MEP1A: variants seen among roughly 807,000 people sequenced by gnomAD.
MEP1A encodes the protein N-benzoyl-L-tyrosyl-P-amino-benzoic acid hydrolase subunit alpha.
A neutral mutation model predicts 84.5 loss-of-function variants in MEP1A; 68 were observed. The ratio of observed to expected loss-of-function variants is 0.80; its 90% CI spans 0.66 to 0.98. MEP1A has a LOEUF of 0.98. Ranked by LOEUF, MEP1A falls within the 50% of genes least tolerant of loss-of-function variation. The pLI is 0.00. For synonymous variants in MEP1A, 337 were observed against 336.8 expected (o/e 1.00, Z -0.01); for missense variants, 887 against 919.9 (o/e 0.96, Z 0.46).
chr6:46,839,086 T>C lies in MEP1A; in HGVS notation c.2191T>C (p.Phe731Leu). 1.9e-6 allele frequency: 3 copies of C among 1,613,382 alleles called. No individual in the cohort carries two copies. The highest frequency in any genetic ancestry group is 2.5e-6 in the Non-Finnish European group (3 of 1,179,852). ...GATCGGAGGCACGGCTGGCGTGATC[T>C]TCTTGACCTTCTCCATCATCGCCAT... ...MVIGGTAGVI[F>L]LTFSIIAILS... Residue 731 changes from phenylalanine (F) to leucine (L), a missense_variant, in exon 14 of 14, where the codon TTC becomes CTC. Physicochemically the swap from Phe to Leu is conservative, Grantham distance 22. Transcript: ENST00000230588.
Position 46,825,076 on chromosome 6 carries a change from T to C in MEP1A, c.557-196T>C, listed in dbSNP as rs541394380. Among the ~76,000 whole-genome samples the C allele has an allele frequency of 2.4e-5, 3 of 126,490 alleles. 1 individual carries two copies. The South Asian group carries it at 7.5e-4, about 32-fold the overall frequency. The allele number at this position is 126,490 out of a possible 152,430, so 83.0% of individuals were successfully genotyped here. On this transcript the variant is annotated intron_variant, in intron 7 of 13. Transcript: ENST00000230588. ...AAATTATGTATTTAAATAAATCTATTTAAATATTTATAAATTATGTATTTA... is the reference window on the plus strand; with the variant it reads ...AAATTATGTATTTAAATAAATCTATCTAAATATTTATAAATTATGTATTTA...
intron 10 of MEP1A, 107 bp downstream of exon 10, chr6:46,829,678 TC>T (rs1191516684): frequency 5.2e-6 from 4 of 772,352 alleles, no homozygotes; most frequent in Non-Finnish European, 6.7e-6. Flanking sequence ...TCTCTCCTCC[TC>T]CTTTTCCTCC....
In MEP1A at chr6:46,834,655, A is replaced by G; in HGVS notation, c.1687A>G (p.Ile563Val). ...YHTDCNCFRSIDLGWSGFISH... is the reference protein window; with the variant it reads ...YHTDCNCFRSVDLGWSGFISH... ...TACGGACTGTAATTGTTTTAGAAGC[A>G]TCGACTTGGGCTGGAGTGGTTTCAT... The change falls in exon 12 of 14, where the codon ATC becomes GTC. Residue 563 changes from isoleucine (I) to valine (V), a missense_variant. Coordinates refer to ENST00000230588, the MANE Select transcript of MEP1A (RefSeq NM_005588.3). 2 of 1,611,536 alleles carry G rather than the reference A, an allele frequency of 1.2e-6. No individual in the cohort carries two copies. The highest frequency in any genetic ancestry group is 1.7e-6 in the Non-Finnish European group (2 of 1,179,510).
chr6:46,825,990 C>T (rs1010648318), intron 8 of MEP1A, among the ~76,000 whole-genome samples: 1 of 152,110 alleles, frequency 6.6e-6, no homozygotes, highest in Non-Finnish European at 1.5e-5. Flanking sequence ...GATGATCCCC[C>T]TAGCCTTTAG....
rs1250791409 is a variant in MEP1A at position 46,809,557 on chromosome 6, G to A, written c.380+20G>A. 1.1e-5 allele frequency: 16 copies of A among 1,511,004 alleles called. No homozygotes were observed. Among genetic ancestry groups the A allele is most frequent in the Non-Finnish European group, 1.4e-5 (15 of 1,093,548 alleles). The allele number at this position is 1,511,004 out of a possible 1,614,324, so 93.6% of individuals were successfully genotyped here. A position where few individuals can be genotyped will look rare whatever the true frequency, so the allele number is the denominator to read the frequency against. ...TGATGGGTTGGTATGAAATTTTACG[G>A]AGTGAAAATCATGCATACTTTGGTT... On this transcript the variant is annotated intron_variant, in intron 6 of 13. Transcript: ENST00000230588.
intron 5 of MEP1A, among the ~76,000 whole-genome samples, chr6:46,803,583 G>A (rs761638046): frequency 2.0e-5 from 3 of 151,228 alleles, no homozygotes; most frequent in Non-Finnish European, 4.4e-5. Flanking sequence ...ATATTTAGTT[G>A]CTTTCTGTTA....
downstream of MEP1A, among the ~76,000 whole-genome samples, chr6:46,840,763 A>G (rs886610620): frequency 2.0e-5 from 3 of 152,232 alleles, no homozygotes; most frequent in Non-Finnish European, 2.9e-5. Flanking sequence ...TTAGAGTTTA[A>G]TATGTATGAA....
chr6:46,812,205 T>C (rs762068865), intron 6 of MEP1A, among the ~76,000 whole-genome samples: 6 of 152,072 alleles, frequency 3.9e-5, no homozygotes, highest in Admixed American at 1.3e-4. Context: ...CTAGGAGGGT[T>C]GTATATTTCC....
chr6:46,813,303 G>A (rs761640552), intron 6 of MEP1A, among the ~76,000 whole-genome samples: 15 of 152,096 alleles, frequency 9.9e-5, no homozygotes, highest in Non-Finnish European at 1.6e-4. Context: ...ATGAAATCAA[G>A]ACGGAAATAT....
intron 7 of MEP1A, among the ~76,000 whole-genome samples, chr6:46,822,646 C>T (rs762784742): frequency 1.1e-4 from 16 of 152,032 alleles, no homozygotes; most frequent in Middle Eastern, 3.2e-3. Flanking sequence ...TGGGTTCAAG[C>T]GATTCTCATG....
At chr6:46,837,019 A>C (rs1292015425) in intron 13 of MEP1A, among the ~76,000 whole-genome samples, 1 of 152,160 alleles carries the variant, frequency 6.6e-6, no homozygotes, top group Admixed American at 6.5e-5. Flanking sequence ...TCTGTAATTA[A>C]TACGTATATT....
intron 5 of MEP1A, among the ~76,000 whole-genome samples, chr6:46,803,065 G>C (rs1463394736): frequency 6.6e-6 from 1 of 151,206 alleles, no homozygotes; most frequent in Non-Finnish European, 1.5e-5. Flanking sequence ...TTTATCTTTT[G>C]AATAAGTTTG....
chr6:46,803,856 A>G (rs1186587122), intron 5 of MEP1A, among the ~76,000 whole-genome samples: 3 of 151,612 alleles, frequency 2.0e-5, no homozygotes, highest in Non-Finnish European at 4.4e-5. Flanking sequence ...ATTTTCATCC[A>G]TGGATGGGAT....
In MEP1A at chr6:46,825,281, A is replaced by C. The variant is rs1767911729; in HGVS notation, c.566A>C (p.His189Pro). The C allele has an allele frequency of 6.2e-7, 1 of 1,610,832 alleles. No homozygotes were observed. The highest frequency in any genetic ancestry group is 8.5e-7 in the Non-Finnish European group (1 of 1,178,074). ...ATTCTCTCCCTAACAGGTTACCAGC[A>C]CAACTTTGACACCTATGATGATAGC... The part of the protein sequence containing the change: ...WWDQILSGYQ[H>P]NFDTYDDSLI... The change falls in exon 8 of 14, where the codon CAC (histidine) becomes CCC (proline). Residue 189 changes from histidine (H) to proline (P), a missense_variant. His to Pro is a moderately conservative substitution (Grantham distance 77, BLOSUM62 -2). Transcript: ENST00000230588.
At chr6:46,804,662 C>G (rs192731286) in intron 5 of MEP1A, among the ~76,000 whole-genome samples, 62 of 151,772 alleles carry the variant, frequency 4.1e-4, no homozygotes, top group African/African-American at 1.5e-3. Flanking sequence ...ATGCATGAGT[C>G]TCAGATGTAC....
chr6:46,831,615 A>G (rs1286502067), intron 10 of MEP1A, among the ~76,000 whole-genome samples: 1 of 152,200 alleles, frequency 6.6e-6, no homozygotes. Flanking sequence ...TCTCCTTCCC[A>G]GTGCCAGATT....
In MEP1A at chr6:46,797,786, TTCTTTC is replaced by T. The variant is rs1411831371; in HGVS notation, c.146-812_146-807del. On this transcript the variant is annotated intron_variant, in intron 3 of 13. Transcript: ENST00000230588. ...TCTTTCTTTCTTTTTCTTTCTTTCT[TTCTTTC>T]TCTTTCTTTCTTTCTTTCTTTCTTT... 2.0e-3 allele frequency among the ~76,000 whole-genome samples: 274 copies of T among 137,790 alleles called. 2 individuals carry two copies. Among genetic ancestry groups the T allele is most frequent in the African/African-American group, 8.0e-3 (261 of 32,796 alleles). The allele number at this position is 137,790 out of a possible 152,430, so 90.4% of individuals were successfully genotyped here. A position where few individuals can be genotyped will look rare whatever the true frequency, so the allele number is the denominator to read the frequency against.
At chr6:46,809,836 T>C (rs919637423) in intron 6 of MEP1A, among the ~76,000 whole-genome samples, 40 of 150,964 alleles carry the variant, frequency 2.6e-4, no homozygotes, top group Non-Finnish European at 5.3e-4. Flanking sequence ...ATTTTACATA[T>C]ATTTTTTTTT....
intron 6 of MEP1A, among the ~76,000 whole-genome samples, 188 bp from the exon 7 acceptor site, chr6:46,819,341 A>G (rs188420989): frequency 7.9e-5 from 12 of 152,304 alleles, no homozygotes; most frequent in Admixed American, 7.8e-4. Flanking sequence ...CCTGCACAGT[A>G]TTCCCTCTAG....
Sources: gnomAD v4.1 joint callset for allele counts (sites outside exome capture counted in the v4.1 genomes callset) on GRCh38, gnomAD v4.1.1 for gene constraint, MANE v1.5 for transcripts, NCBI Gene and HGNC (gene_info 2026-07-23, HGNC 2026-07-21) for gene names.